Variants in PTPRD observed in about 807,000 individuals in gnomAD.
The protein encoded by PTPRD is protein tyrosine phosphatase receptor type D.
PTPRD carries 34 observed loss-of-function variants against 214.5 expected under a neutral mutation model. That is an observed-to-expected ratio of 0.16 (90% CI 0.12 to 0.21). PTPRD has a LOEUF of 0.21. PTPRD is among the 10% of genes least tolerant of loss of function. The pLI, the probability that PTPRD is intolerant of heterozygous loss-of-function variation, is 1.00. For missense variants in PTPRD, 2,545 were observed against 2,398.7 expected, an observed-to-expected ratio of 1.06 and a Z score of -1.27; for synonymous variants, 1,128 against 845.7, an observed-to-expected ratio of 1.33 and a Z score of -5.79.
chr9:9,127,675 T>A (rs1166493733), intron 10 of PTPRD, among the ~76,000 whole-genome samples: 1 of 152,196 alleles, frequency 6.6e-6, no homozygotes, highest in Non-Finnish European at 1.5e-5. Flanking sequence ...CTTTCATATT[T>A]GAGCCAAAGG....
At chr9:8,929,793 G>A (rs112565389) in intron 11 of PTPRD, among the ~76,000 whole-genome samples, 2,029 of 65,212 alleles carry the variant, frequency 0.031, 60 homozygotes, top group East Asian at 0.045. Context: ...GTGTATATAT[G>A]TGTGTGTATA....
chr9:9,334,896 G>A (rs1291453920), intron 9 of PTPRD, among the ~76,000 whole-genome samples: 1 of 151,752 alleles, frequency 6.6e-6, no homozygotes, highest in Non-Finnish European at 1.5e-5. Flanking sequence ...ACCAATATGA[G>A]CATATAATTC....
chr9:10,148,614 G>T (rs2099040026), intron 3 of PTPRD, among the ~76,000 whole-genome samples: 1 of 152,132 alleles, frequency 6.6e-6, no homozygotes, highest in Non-Finnish European at 1.5e-5. Flanking sequence ...ATAAATAGGT[G>T]CTATTAACTG....
At chr9:9,860,117 T>A (rs2062402692) in intron 5 of PTPRD, among the ~76,000 whole-genome samples, 1 of 152,202 alleles carries the variant, frequency 6.6e-6, no homozygotes, top group African/African-American at 2.4e-5. Flanking sequence ...ATATCTACTA[T>A]AAAACAAAAG....
chr9:9,152,888 C>T (rs2099878068), intron 10 of PTPRD, among the ~76,000 whole-genome samples: 1 of 152,300 alleles, frequency 6.6e-6, no homozygotes, highest in Admixed American at 6.5e-5. Context: ...GAGGGGCACA[C>T]ATTTACTTGT....
chr9:10,463,387 G>C (rs995302015), intron 2 of PTPRD, among the ~76,000 whole-genome samples: 7 of 151,968 alleles, frequency 4.6e-5, no homozygotes, highest in African/African-American at 1.7e-4. Flanking sequence ...GAGAGACAGA[G>C]GATGAAAAAG....
At chr9:9,534,185 A>C (rs2076059053) in intron 8 of PTPRD, among the ~76,000 whole-genome samples, 1 of 152,102 alleles carries the variant, frequency 6.6e-6, no homozygotes, top group African/African-American at 2.4e-5. Context: ...GATCATTCTG[A>C]CAGCTATAAC....
intron 3 of PTPRD, among the ~76,000 whole-genome samples, chr9:10,062,262 T>C (rs752043970): frequency 3.9e-5 from 6 of 152,094 alleles, no homozygotes; most frequent in Admixed American, 6.6e-5. Context: ...TAAGTAATTG[T>C]ATTCCACCAA....
chr9:8,798,807 A>G (rs1228513625), intron 11 of PTPRD, among the ~76,000 whole-genome samples: 2 of 152,204 alleles, frequency 1.3e-5, no homozygotes, highest in Admixed American at 6.5e-5. Context: ...CAGTTATTTT[A>G]GTCACAGACT....
chr9:9,577,720 GA>G (rs1191321149), intron 7 of PTPRD, among the ~76,000 whole-genome samples: 5 of 151,952 alleles, frequency 3.3e-5, no homozygotes, highest in Non-Finnish European at 7.4e-5. Flanking sequence ...TAAATTTTAA[GA>G]AATTTTATTT....
chr9:8,916,280 G>T (rs12552617), intron 11 of PTPRD, among the ~76,000 whole-genome samples: 15,905 of 152,186 alleles, frequency 0.1, 1,170 homozygotes, highest in East Asian at 0.25. Flanking sequence ...AGAGGAGAGA[G>T]AGAGAGAGAA....
chr9:9,650,798 T>C (rs1483735065), intron 7 of PTPRD, among the ~76,000 whole-genome samples: 1 of 152,134 alleles, frequency 6.6e-6, no homozygotes, highest in Non-Finnish European at 1.5e-5. Flanking sequence ...AAATCTTCAG[T>C]ATGTCATATT....
At chr9:9,664,957 T>C (rs968748201) in intron 7 of PTPRD, among the ~76,000 whole-genome samples, 6 of 151,738 alleles carry the variant, frequency 4.0e-5, no homozygotes, top group Admixed American at 1.3e-4. Flanking sequence ...ATTTATTTCA[T>C]TGAATGAAAA....
chr9:8,380,857 C>T (rs964999361), intron 37 of PTPRD, among the ~76,000 whole-genome samples: 2 of 152,026 alleles, frequency 1.3e-5, no homozygotes, highest in Non-Finnish European at 2.9e-5. Context: ...ACTTTATAAT[C>T]AATTAACTAG....
At chr9:10,425,451 C>G (rs1418236279) in intron 2 of PTPRD, among the ~76,000 whole-genome samples, 2 of 151,876 alleles carry the variant, frequency 1.3e-5, no homozygotes, top group African/African-American at 4.8e-5. Context: ...TCTCTCTCCC[C>G]CTGTGCTCTA....
At chr9:8,460,682 G>T in intron 32 of PTPRD, 111 bp from the exon 33 acceptor site, 1 of 1,070,476 alleles carries the variant, frequency 9.3e-7, no homozygotes, top group South Asian at 1.7e-5. Context: ...AATGATAAGT[G>T]TGTGATGCAA....
chr9:8,740,018 C>G (rs540924289), intron 11 of PTPRD, among the ~76,000 whole-genome samples: 4 of 152,254 alleles, frequency 2.6e-5, no homozygotes, highest in African/African-American at 9.6e-5. Flanking sequence ...TCAGGTATGT[C>G]TTTATCAACA....
At chr9:9,146,410 A>G (rs558486499) in intron 10 of PTPRD, among the ~76,000 whole-genome samples, 4 of 152,232 alleles carry the variant, frequency 2.6e-5, no homozygotes, top group South Asian at 4.1e-4. Flanking sequence ...GACTTCTTCA[A>G]TTAGGGTCTC....
intron 5 of PTPRD, among the ~76,000 whole-genome samples, chr9:9,789,092 T>TTA (rs2098948152): frequency 6.6e-6 from 1 of 152,244 alleles, no homozygotes; most frequent in South Asian, 2.1e-4. Context: ...TGGAGGGATC[T>TTA]TATAACATTT....
Sources: allele counts gnomAD v4.1 joint callset (sites outside exome capture counted in the v4.1 genomes callset), GRCh38; gene constraint gnomAD v4.1.1; transcripts MANE v1.5; gene names NCBI Gene and HGNC (gene_info 2026-07-23, HGNC 2026-07-21).